The following DSCAM variants were observed in gnomAD, a reference collection of about 807,000 sequenced individuals.
The protein encoded by DSCAM is DS cell adhesion molecule, also known as cell adhesion molecule DSCAM.
Under a neutral mutation model 217.7 loss-of-function variants are expected in DSCAM, and 47 were observed. That is an observed-to-expected ratio of 0.22 (90% CI 0.17 to 0.28). DSCAM has a LOEUF of 0.28. DSCAM is among the 10% of genes least tolerant of loss of function. The pLI, the probability that DSCAM is intolerant of heterozygous loss-of-function variation, is 1.00. For synonymous variants in DSCAM, 1,056 were observed against 1,015.3 expected (o/e 1.04, Z -0.76); for missense variants, 2,080 against 2,618.3 (o/e 0.79, Z 4.49).
intron 10 of DSCAM, among the ~76,000 whole-genome samples, chr21:40,292,414 G>A (rs2073904520): frequency 1.3e-5 from 2 of 151,414 alleles, no homozygotes; most frequent in Admixed American, 1.3e-4. Context: ...CCATAAGCAA[G>A]GCTAAATTGT....
At chr21:40,057,572 G>A (rs760193574) in intron 28 of DSCAM, among the ~76,000 whole-genome samples, 12 of 152,170 alleles carry the variant, frequency 7.9e-5, no homozygotes, top group Admixed American at 4.6e-4. Context: ...ATTAAATAGC[G>A]ATGAACACCA....
intron 6 of DSCAM, among the ~76,000 whole-genome samples, chr21:40,345,260 T>C (rs543299151): frequency 1.3e-5 from 2 of 152,328 alleles, no homozygotes; most frequent in East Asian, 3.9e-4. Flanking sequence ...GTTTGCTTTG[T>C]CTTTTGTCCT....
At chr21:40,477,589 C>A (rs2075948254) in intron 3 of DSCAM, among the ~76,000 whole-genome samples, 2 of 152,052 alleles carry the variant, frequency 1.3e-5, no homozygotes, top group African/African-American at 2.4e-5. Flanking sequence ...TAGTAAGTTT[C>A]ACTTTTTTAT....
rs557067290 is a variant in DSCAM at position 40,376,385 on chromosome 21, A to T, written c.509-7140T>A. 3.5e-3 allele frequency among the ~76,000 whole-genome samples: 526 copies of T among 149,144 alleles called. 9 individuals carry two copies. Among genetic ancestry groups the T allele is most frequent in the African/African-American group, 0.012 (499 of 40,956 alleles). On this transcript the variant is annotated intron_variant, in intron 3 of 32. Coordinates refer to ENST00000400454, the MANE Select transcript of DSCAM (RefSeq NM_001389.5). Reference sequence around the variant, plus strand: ...AGCATTAACTAAAATAGAAGTGGAAATAGAAGATATATATATATCTATATC... The same window carrying T: ...AGCATTAACTAAAATAGAAGTGGAATTAGAAGATATATATATATCTATATC...
intron 32 of DSCAM, among the ~76,000 whole-genome samples, chr21:40,018,632 C>A (rs563218571): frequency 2.0e-5 from 3 of 152,124 alleles, no homozygotes; most frequent in Non-Finnish European, 4.4e-5. Flanking sequence ...CTGCAGAATG[C>A]GCAGGTCTTA....
chr21:40,029,767 C>T (rs1287401258), intron 32 of DSCAM, among the ~76,000 whole-genome samples: 1 of 152,162 alleles, frequency 6.6e-6, no homozygotes, highest in Non-Finnish European at 1.5e-5. Context: ...AAACAAGACA[C>T]CAGCAGTCCA....
At chr21:40,647,935 G>A (rs2089966758) in intron 3 of DSCAM, among the ~76,000 whole-genome samples, 1 of 152,166 alleles carries the variant, frequency 6.6e-6, no homozygotes, top group South Asian at 2.1e-4. Context: ...CAGTGACGCT[G>A]AGTGGGCAAT....
intron 1 of DSCAM, among the ~76,000 whole-genome samples, chr21:40,779,474 A>C (rs1235765713): frequency 2.0e-5 from 3 of 152,234 alleles, no homozygotes; most frequent in African/African-American, 7.2e-5. Flanking sequence ...TTTTCTTGTA[A>C]AAGTACTCAT....
chr21:40,348,212 C>T (rs141254155), intron 5 of DSCAM, among the ~76,000 whole-genome samples: 26 of 66,934 alleles, frequency 3.9e-4, no homozygotes, highest in East Asian at 1.4e-3. Flanking sequence ...TCGTACCCCA[C>T]ACAGTTCCTA....
At position 40,182,792 on chromosome 21, in the gene DSCAM, G is replaced by T. The variant is rs1293442234; in HGVS notation, c.2780-3698C>A. ...CAGAGAAACCGTGGACAGGAGGGGG[G>T]TACCAGAGAAACCGTGGACGGGGGG... On this transcript the variant is annotated intron_variant, in intron 14 of 32. Coordinates refer to ENST00000400454, the MANE Select transcript of DSCAM (RefSeq NM_001389.5). 2.2e-3 allele frequency among the ~76,000 whole-genome samples: 5 copies of T among 2,256 alleles called. 1 individual carries two copies. The highest frequency in any genetic ancestry group is 4.3e-3 in the Non-Finnish European group (4 of 940). 1.5% of individuals were successfully genotyped at this position (2,256 alleles called of 152,430 possible).
At chr21:40,054,278 C>A (rs2088978817) in intron 29 of DSCAM, among the ~76,000 whole-genome samples, 1 of 152,188 alleles carries the variant, frequency 6.6e-6, no homozygotes, top group Admixed American at 6.5e-5. Context: ...ACCTCACATA[C>A]ATGGTTTAAC....
chr21:40,449,818 G>C (rs1434274630), intron 3 of DSCAM, among the ~76,000 whole-genome samples: 1 of 152,072 alleles, frequency 6.6e-6, no homozygotes, highest in African/African-American at 2.4e-5. Flanking sequence ...TAGGCATACT[G>C]TACCTCATAG....
intron 1 of DSCAM, among the ~76,000 whole-genome samples, chr21:40,732,840 C>A (rs948277663): frequency 1.3e-5 from 2 of 152,138 alleles, no homozygotes; most frequent in African/African-American, 2.4e-5. Context: ...GGGCTTGGAG[C>A]CAGCACCACG....
chr21:40,108,732 C>T (rs1478603973), intron 20 of DSCAM, among the ~76,000 whole-genome samples: 2 of 152,154 alleles, frequency 1.3e-5, no homozygotes, highest in East Asian at 3.8e-4. Flanking sequence ...AAGCATCATG[C>T]TACTGGACTT....
intron 11 of DSCAM, among the ~76,000 whole-genome samples, chr21:40,251,896 G>A (rs1243608969): frequency 6.6e-6 from 1 of 152,086 alleles, no homozygotes; most frequent in Non-Finnish European, 1.5e-5. Context: ...ACACTTGCAA[G>A]CAAGCAGCCA....
At chr21:40,411,333 GACTTAATCCAAAAGAAGGCAAGA>G (rs2075321714) in intron 3 of DSCAM, among the ~76,000 whole-genome samples, 1 of 151,900 alleles carries the variant, frequency 6.6e-6, no homozygotes, top group Admixed American at 6.6e-5. Flanking sequence ...ATGAAATATG[GACTTAATCCAAAAGAAGGCAAGA>G]AAGGGGGAAA....
At chr21:40,286,848 A>AT (rs371265460) in intron 10 of DSCAM, among the ~76,000 whole-genome samples, 145,475 of 149,974 alleles carry the variant, frequency 0.97, 70,488 homozygotes, top group Non-Finnish European at 0.98. Context: ...TATGATCTGC[A>AT]GGTATCTGCA....
At chr21:40,245,200 A>G (rs1180604492) in intron 11 of DSCAM, among the ~76,000 whole-genome samples, 1 of 152,212 alleles carries the variant, frequency 6.6e-6, no homozygotes, top group African/African-American at 2.4e-5. Flanking sequence ...GGGTAATGAC[A>G]CATGATGGGT....
chr21:40,270,307 C>G (rs375132272), intron 11 of DSCAM, among the ~76,000 whole-genome samples: 10 of 152,346 alleles, frequency 6.6e-5, no homozygotes, highest in African/African-American at 2.2e-4. Flanking sequence ...TGCAGTCCCT[C>G]TGAAGCTTCT....
Sources: gnomAD v4.1 joint callset for allele counts (sites outside exome capture counted in the v4.1 genomes callset) on GRCh38, gnomAD v4.1.1 for gene constraint, MANE v1.5 for transcripts, NCBI Gene and HGNC (gene_info 2026-07-23, HGNC 2026-07-21) for gene names.